Variants in PTPRA observed in about 807,000 individuals in gnomAD.
PTPRA encodes protein tyrosine phosphatase receptor type A.
Under a neutral mutation model 104.8 loss-of-function variants are expected in PTPRA, and 25 were observed. The observed-to-expected ratio is 0.24, with a 90% confidence interval of 0.17 to 0.33. The LOEUF (loss-of-function observed/expected upper bound fraction) is 0.33, where lower values mean the gene tolerates loss of function less well. Ranked by LOEUF, PTPRA falls within the 10% of genes least tolerant of loss-of-function variation. PTPRA has a pLI of 1.00. For synonymous variants in PTPRA, 323 were observed against 368.9 expected (o/e 0.88, Z 1.43); for missense variants, 765 against 1,015.3 (o/e 0.75, Z 3.35).
intron 9 of PTPRA, among the ~76,000 whole-genome samples, chr20:2,990,739 A>G (rs960261992): frequency 2.0e-5 from 3 of 151,826 alleles, no homozygotes; most frequent in Admixed American, 6.6e-5. Context: ...TCAAGAAAAA[A>G]TTTTTTTTAG....
intron 1 of PTPRA, among the ~76,000 whole-genome samples, chr20:2,896,144 G>T (rs1297997484): frequency 6.6e-6 from 1 of 152,132 alleles, no homozygotes; most frequent in Non-Finnish European, 1.5e-5. Context: ...GGAGGCTGAG[G>T]CAGGGGGATC....
At chr20:2,898,830 C>G (rs527316644) in intron 1 of PTPRA, among the ~76,000 whole-genome samples, 1 of 152,106 alleles carries the variant, frequency 6.6e-6, no homozygotes, top group Non-Finnish European at 1.5e-5. Context: ...TGCACTCCAG[C>G]CTGGATGACA....
intron 3 of PTPRA, among the ~76,000 whole-genome samples, chr20:2,957,283 T>C (rs1303734608): frequency 2.6e-5 from 4 of 152,174 alleles, no homozygotes; most frequent in Non-Finnish European, 5.9e-5. Context: ...AGACTCCGTC[T>C]CAAATAATAA....
intron 20 of PTPRA, among the ~76,000 whole-genome samples, chr20:3,034,955 G>A (rs2065724931): frequency 6.6e-6 from 1 of 152,138 alleles, no homozygotes; most frequent in Admixed American, 6.5e-5. Context: ...GCCAGGCATT[G>A]TGCAAGGTGT....
At position 2,986,725 on chromosome 20, in the gene PTPRA, C is replaced by T. The variant is rs758094975; in HGVS notation, c.443-40C>T. 9.7e-6 allele frequency: 15 copies of T among 1,546,390 alleles called. 1 individual carries two copies. In the Admixed American group the frequency reaches 2.5e-4, roughly 26 times the overall value. On this transcript the variant is annotated intron_variant, in intron 6 of 23. Transcript: ENST00000399903. ...AATGGCTGACTTAAGCCCTCCATTG[C>T]ACAACACAGTAATGACTTGTTCTGT...
rs768363321 is a variant in PTPRA at position 2,965,026 on chromosome 20, A to G, written c.239A>G (p.Asn80Ser). The G allele has an allele frequency of 6.2e-7, 1 of 1,614,130 alleles. No homozygotes were observed. The highest frequency in any genetic ancestry group is 8.5e-7 in the Non-Finnish European group (1 of 1,179,986). The change falls in exon 5 of 24, where the codon AAT becomes AGT. Residue 80 changes from asparagine to serine, a missense_variant. Coordinates refer to ENST00000399903, the MANE Select transcript of PTPRA (RefSeq NM_001385305.1). ...GGACCCACCTATTTAACCACTGTCA[A>G]TTCTTCAGACTCTGACAATGGGACC... is the stretch of plus-strand genomic sequence containing the variant. ...TLGPTYLTTV[N>S]SSDSDNGTTR...
chr20:2,892,309 A>C (rs979486749), intron 1 of PTPRA, among the ~76,000 whole-genome samples: 5 of 151,664 alleles, frequency 3.3e-5, no homozygotes, highest in Middle Eastern at 3.4e-3. Flanking sequence ...AAAAAAAAAA[A>C]AGAAGAGAGG....
intron 5 of PTPRA, among the ~76,000 whole-genome samples, chr20:2,965,470 CAA>C (rs1186817320): frequency 1.3e-5 from 2 of 151,826 alleles, no homozygotes; most frequent in Non-Finnish European, 2.9e-5. Flanking sequence ...CTTAAAAAGA[CAA>C]GAGAAATAGA....
chr20:2,992,376 G>A (rs961059728), intron 9 of PTPRA, among the ~76,000 whole-genome samples: 17 of 152,144 alleles, frequency 1.1e-4, no homozygotes, highest in Admixed American at 9.2e-4. Flanking sequence ...AATTAGCCAG[G>A]CATGGTGGCA....
At chr20:2,986,038 A>ACT (rs1173964702) in intron 6 of PTPRA, among the ~76,000 whole-genome samples, 1 of 152,116 alleles carries the variant, frequency 6.6e-6, no homozygotes, top group Non-Finnish European at 1.5e-5. Flanking sequence ...CCTCCTGAGT[A>ACT]GCTGGGACTA....
intron 6 of PTPRA, among the ~76,000 whole-genome samples, chr20:2,978,783 G>A (rs1469456381): frequency 2.6e-5 from 4 of 152,170 alleles, no homozygotes; most frequent in Non-Finnish European, 1.5e-5. Context: ...TGTAAAAGCA[G>A]CCATAGATGG....
At chr20:2,895,453 C>G (rs112543840) in intron 1 of PTPRA, among the ~76,000 whole-genome samples, 11,093 of 152,142 alleles carry the variant, frequency 0.073, 527 homozygotes, top group Non-Finnish European at 0.096. Flanking sequence ...TCTTCCAGAT[C>G]AGGGATTGAT....
chr20:2,964,365 G>T lies in PTPRA; in HGVS notation c.73+15G>T. The T allele has an allele frequency of 6.4e-7, 1 of 1,562,320 alleles. No homozygotes were observed. Among genetic ancestry groups the T allele is most frequent in the South Asian group, 1.2e-5 (1 of 84,660 alleles). On this transcript the variant is annotated intron_variant, in intron 4 of 23. Transcript: ENST00000399903. ...TGCTACCACAGGTAAATTGTCATTTGATAAGGCTGCTATTTGAAATGAAAT... is the reference window on the plus strand; with the variant it reads ...TGCTACCACAGGTAAATTGTCATTTTATAAGGCTGCTATTTGAAATGAAAT...
chr20:2,919,709 A>G (rs779527291), intron 1 of PTPRA, among the ~76,000 whole-genome samples: 12 of 123,308 alleles, frequency 9.7e-5, no homozygotes, highest in South Asian at 2.3e-4. Flanking sequence ...GGGGGAGGCC[A>G]TAAACAGTTA....
At chr20:2,876,547 G>A (rs2089731025) in intron 1 of PTPRA, among the ~76,000 whole-genome samples, 1 of 152,138 alleles carries the variant, frequency 6.6e-6, no homozygotes, top group African/African-American at 2.4e-5. Context: ...CTGTTGACAT[G>A]CTTTTACTTA....
intron 14 of PTPRA, 104 bp from the exon 15 acceptor site, chr20:3,021,946 CACTT>C: frequency 7.2e-7 from 1 of 1,387,162 alleles, no homozygotes; most frequent in Non-Finnish European, 9.9e-7. Flanking sequence ...CCCCTGGGTA[CACTT>C]ACTTTTCCAT....
At position 3,017,892 on chromosome 20, in the gene PTPRA, C is replaced by A. The variant is rs1600260220; in HGVS notation, c.1020C>A (p.Thr340=). 1 of 1,614,060 alleles carries A rather than the reference C, an allele frequency of 6.2e-7. No homozygotes were observed. The highest frequency in any genetic ancestry group is 1.3e-5 in the African/African-American group (1 of 75,036). Residue 340 remains threonine (T), a synonymous_variant, in exon 13 of 24, where the codon ACC becomes ACA. Coordinates refer to ENST00000399903, the MANE Select transcript of PTPRA (RefSeq NM_001385305.1). ...ACACAGCCACCATCGTCATGGTTAC[C>A]AACCTGAAGGAGAGAAAGGAGGTAA... ...EQNTATIVMV[T]NLKERKECKC...
chr20:3,024,243 A>G (rs1423950866), intron 16 of PTPRA, among the ~76,000 whole-genome samples: 2 of 152,112 alleles, frequency 1.3e-5, no homozygotes, highest in Non-Finnish European at 2.9e-5. Flanking sequence ...CCAGGCGTCC[A>G]CCACCCCCAA....
intron 1 of PTPRA, among the ~76,000 whole-genome samples, chr20:2,919,214 A>G (rs2060015455): frequency 6.6e-6 from 1 of 152,206 alleles, no homozygotes; most frequent in Non-Finnish European, 1.5e-5. Context: ...AAAGAATCGA[A>G]TAGCAATGAT....
Sources: allele counts gnomAD v4.1 joint callset (sites outside exome capture counted in the v4.1 genomes callset), GRCh38; gene constraint gnomAD v4.1.1; transcripts MANE v1.5; gene names NCBI Gene and HGNC (gene_info 2026-07-23, HGNC 2026-07-21).